The following TMEM132C variants were observed in gnomAD, a reference collection of about 807,000 sequenced individuals.
The protein encoded by TMEM132C is protein phosphatase 1, regulatory subunit 152.
In TMEM132C, 29 loss-of-function variants were observed where a neutral mutation model predicts 61.4. The observed-to-expected ratio is 0.47, with a 90% CI of 0.35 to 0.64. The LOEUF (loss-of-function observed/expected upper bound fraction) is 0.64. Among genes scored for constraint, TMEM132C ranks in the 30% least tolerant of loss-of-function variants. The probability of loss-of-function intolerance (pLI) is 0.00; values close to 1 mark genes in which losing one functional copy is unlikely to be tolerated. For synonymous variants in TMEM132C, 656 were observed against 633.1 expected (o/e 1.04, Z -0.54); for missense variants, 1,408 against 1,476.9 (o/e 0.95, Z 0.76).
chr12:128,347,321 G>A (rs766691348), intron 1 of TMEM132C, among the ~76,000 whole-genome samples: 5 of 151,566 alleles, frequency 3.3e-5, no homozygotes, highest in South Asian at 4.2e-4. Flanking sequence ...TTATCCACTC[G>A]TTGGTTGATG....
At chr12:128,510,461 T>C (rs1872530766) in intron 2 of TMEM132C, among the ~76,000 whole-genome samples, 1 of 152,228 alleles carries the variant, frequency 6.6e-6, no homozygotes, top group Non-Finnish European at 1.5e-5. Context: ...CTCTCTGCCC[T>C]GCATCTCTTT....
intron 1 of TMEM132C, among the ~76,000 whole-genome samples, chr12:128,330,775 A>G (rs556122574): frequency 6.6e-6 from 1 of 152,342 alleles, no homozygotes; most frequent in Admixed American, 6.5e-5. Flanking sequence ...AACCAAAAAT[A>G]GAATCCATGA....
At chr12:128,408,729 G>A (rs775147355) in intron 1 of TMEM132C, among the ~76,000 whole-genome samples, 1 of 152,200 alleles carries the variant, frequency 6.6e-6, no homozygotes, top group Non-Finnish European at 1.5e-5. Context: ...AAGAGAGGGA[G>A]GCGAATGTGC....
At chr12:128,374,990 C>CG (rs71069562) in intron 1 of TMEM132C, among the ~76,000 whole-genome samples, 103,514 of 141,176 alleles carry the variant, frequency 0.73, 41,005 homozygotes, top group Non-Finnish European at 0.88. Flanking sequence ...AAAACCATTC[C>CG]CAGCCTCAGC....
intron 1 of TMEM132C, among the ~76,000 whole-genome samples, chr12:128,276,972 GACAAA>G (rs1319256459): frequency 2.6e-5 from 4 of 151,786 alleles, no homozygotes; most frequent in Non-Finnish European, 4.4e-5. Context: ...ATGATTTTAA[GACAAA>G]ACAAACAAAC....
chr12:128,653,662 G>A (rs1954295495), intron 4 of TMEM132C, among the ~76,000 whole-genome samples: 2 of 152,146 alleles, frequency 1.3e-5, no homozygotes, highest in Non-Finnish European at 2.9e-5. Context: ...GTGAAGTGGG[G>A]GAGAATGTAA....
intron 1 of TMEM132C, among the ~76,000 whole-genome samples, chr12:128,411,559 C>G (rs937745037): frequency 6.6e-6 from 1 of 152,152 alleles, no homozygotes; most frequent in Non-Finnish European, 1.5e-5. Context: ...ATTCTAAGGG[C>G]CCTTCCTCTT....
chr12:128,436,557 A>G (rs76687002), intron 2 of TMEM132C, among the ~76,000 whole-genome samples: 19,027 of 152,258 alleles, frequency 0.12, 1,215 homozygotes, highest in South Asian at 0.15. Flanking sequence ...GCTCATCATC[A>G]CTGGTCATCA....
intron 1 of TMEM132C, among the ~76,000 whole-genome samples, chr12:128,319,990 A>G (rs892130993): frequency 1.3e-5 from 2 of 152,140 alleles, no homozygotes; most frequent in African/African-American, 2.4e-5. Context: ...AAAAATTGTC[A>G]ATGTAAAGAT....
intron 3 of TMEM132C, among the ~76,000 whole-genome samples, chr12:128,559,673 T>A (rs890740738): frequency 1.3e-5 from 2 of 152,158 alleles, no homozygotes; most frequent in African/African-American, 4.8e-5. Flanking sequence ...CCACTCACCG[T>A]GGAAATCGTG....
At position 128,322,948 on chromosome 12, in the gene TMEM132C, A is replaced by G. The variant is rs552737261; in HGVS notation, c.85+55461A>G. ...TATTATGTAAAAGAAGGCAGAACCC[A>G]TGCATTCATTCAGCATATATTTTCA... On this transcript the variant is annotated intron_variant, in intron 1 of 8. Transcript: ENST00000435159. 2.3e-3 allele frequency among the ~76,000 whole-genome samples: 356 copies of G among 152,328 alleles called. 1 individual carries two copies. Among genetic ancestry groups the G allele is most frequent in the Non-Finnish European group, 4.3e-3 (295 of 68,018 alleles).
At chr12:128,402,990 G>C (rs908966709) in intron 1 of TMEM132C, among the ~76,000 whole-genome samples, 1 of 152,316 alleles carries the variant, frequency 6.6e-6, no homozygotes, top group East Asian at 1.9e-4. Context: ...CCCCCCAGGG[G>C]CTCAGAGGGG....
chr12:128,498,520 A>G (rs1872048429), intron 2 of TMEM132C, among the ~76,000 whole-genome samples: 1 of 152,104 alleles, frequency 6.6e-6, no homozygotes, highest in Non-Finnish European at 1.5e-5. Context: ...TATTAAAAAT[A>G]CAAAATTAGC....
chr12:128,376,372 G>A (rs1874192345), intron 1 of TMEM132C, among the ~76,000 whole-genome samples: 1 of 152,118 alleles, frequency 6.6e-6, no homozygotes, highest in Non-Finnish European at 1.5e-5. Flanking sequence ...ACTTGTCTGA[G>A]AGTGAAATTT....
At chr12:128,607,929 C>T (rs113985109) in intron 3 of TMEM132C, among the ~76,000 whole-genome samples, 6 of 152,212 alleles carry the variant, frequency 3.9e-5, no homozygotes, top group East Asian at 1.9e-4. Context: ...CTTGTGGTCA[C>T]GCTCTCCCAT....
intron 1 of TMEM132C, among the ~76,000 whole-genome samples, chr12:128,414,224 TA>T (rs994449878): frequency 7.9e-5 from 12 of 151,908 alleles, no homozygotes; most frequent in East Asian, 1.9e-4. Flanking sequence ...CCATCTCTAT[TA>T]AAAAAAATAT....
chr12:128,508,397 C>T (rs534247316), intron 2 of TMEM132C, among the ~76,000 whole-genome samples: 13 of 152,144 alleles, frequency 8.5e-5, no homozygotes, highest in Admixed American at 6.5e-4. Context: ...CAGTGGGTGA[C>T]CCATCCAAAG....
chr12:128,427,624 T>C (rs945980398), intron 2 of TMEM132C, among the ~76,000 whole-genome samples: 1 of 152,062 alleles, frequency 6.6e-6, no homozygotes, highest in African/African-American at 2.4e-5. Context: ...ATCCAAGCTC[T>C]CGATACTCCA....
At chr12:128,537,663 G>A (rs1377132057) in intron 2 of TMEM132C, among the ~76,000 whole-genome samples, 2 of 152,166 alleles carry the variant, frequency 1.3e-5, no homozygotes, top group Non-Finnish European at 1.5e-5. Context: ...TATGAAGGGG[G>A]CACATGAAGG....
Sources: gnomAD v4.1 joint callset for allele counts (sites outside exome capture counted in the v4.1 genomes callset) on GRCh38, gnomAD v4.1.1 for gene constraint, MANE v1.5 for transcripts, NCBI Gene and HGNC (gene_info 2026-07-23, HGNC 2026-07-21) for gene names.